Variants in ZNF41 observed in about 807,000 individuals in gnomAD.
ZNF41 encodes the protein zinc finger protein 41.
Under a neutral mutation model 9.3 loss-of-function variants are expected in ZNF41, and 6 were observed. The ratio of observed to expected loss-of-function variants is 0.65; its 90% CI spans 0.35 to 1.28. ZNF41 has a LOEUF of 1.28. ZNF41 is among the 50% of genes most tolerant of loss of function. The probability of loss-of-function intolerance (pLI) is 0.03; values close to 1 mark genes in which losing one functional copy is unlikely to be tolerated. For synonymous variants in ZNF41, 192 were observed against 207.1 expected (o/e 0.93, Z 0.63); for missense variants, 523 against 585.8 (o/e 0.89, Z 1.11).
At chrX:47,476,127 C>T (rs977588926) in intron 1 of ZNF41, among the ~76,000 whole-genome samples, 17 of 110,944 alleles carry the variant, frequency 1.5e-4, no homozygotes, top group Non-Finnish European at 2.8e-4. Context: ...TCGAGGCAGG[C>T]GGATCACTTG....
Position 47,467,522 on chromosome X carries a change from A to T in ZNF41, c.-41T>A. ...CAGCCCTCAGGCTCTCCTGCTGACAACCCCACTCTTCCCCAAGCTGGAAGC... is the reference window on the plus strand; with the variant it reads ...CAGCCCTCAGGCTCTCCTGCTGACATCCCCACTCTTCCCCAAGCTGGAAGC... On this transcript the variant is annotated 5_prime_UTR_variant, in exon 2 of 5. In the 5' UTR this introduces an upstream ATG that the reference lacks. Transcript: ENST00000684689. 1 of 1,165,971 alleles carries T rather than the reference A, an allele frequency of 8.6e-7. No individual in the cohort carries two copies. The highest frequency in any genetic ancestry group is 1.1e-6 in the Non-Finnish European group (1 of 870,881).
intron 1 of ZNF41, among the ~76,000 whole-genome samples, chrX:47,472,432 TC>T (rs2057217378): frequency 1.0e-5 from 1 of 95,424 alleles, no homozygotes; most frequent in African/African-American, 3.8e-5. Context: ...AAACATGGCT[TC>T]TTTTTTTTTT....
At chrX:47,469,297 C>A (rs1405737080) in intron 1 of ZNF41, among the ~76,000 whole-genome samples, 1 of 70,701 alleles carries the variant, frequency 1.4e-5, no homozygotes, top group African/African-American at 5.5e-5. Flanking sequence ...GGCGACAGAG[C>A]GAGACTCCGT....
intron 4 of ZNF41, 130 bp downstream of exon 4, chrX:47,455,791 T>G: frequency 1.7e-6 from 1 of 595,442 alleles, no homozygotes; most frequent in East Asian, 3.6e-5. Flanking sequence ...GTCAACTATC[T>G]CCAATTGACT....
intron 4 of ZNF41, among the ~76,000 whole-genome samples, chrX:47,453,099 AT>A (rs916708504): frequency 9.0e-6 from 1 of 111,485 alleles, no homozygotes; most frequent in Non-Finnish European, 1.9e-5. Context: ...TTCTTAAATT[AT>A]TTTTTTGAAA....
intron 1 of ZNF41, among the ~76,000 whole-genome samples, chrX:47,479,744 T>G (rs1402632253): frequency 9.1e-6 from 1 of 110,398 alleles, no homozygotes; most frequent in Non-Finnish European, 1.9e-5. Context: ...AAGAAAACTA[T>G]AAAAATTATA....
At chrX:47,458,310 C>T (rs1044706790) in intron 2 of ZNF41, among the ~76,000 whole-genome samples, 5 of 111,595 alleles carry the variant, frequency 4.5e-5, no homozygotes, top group Middle Eastern at 4.2e-3. Flanking sequence ...AATAACTGAT[C>T]GTCTAAGAAG....
rs2057107666 is a variant in ZNF41 at position 47,469,344 on chromosome X, AC to A, written c.-279-1585del. Among the ~76,000 whole-genome samples the A allele has an allele frequency of 3.1e-5, 3 of 95,326 alleles. No individual in the cohort carries two copies. The East Asian group carries it at 1.0e-3, about 33-fold the overall frequency. 82.8% of individuals were successfully genotyped at this position (95,326 alleles called of 115,157 possible). The stretch of plus-strand genomic sequence containing the variant: ...AAAAAAAAAAAAAAAAAAAAAAAAG[AC>A]AGACAATTTTAGATATAAAAGCATT... On this transcript the variant is annotated intron_variant, in intron 1 of 4. Transcript: ENST00000684689.
chrX:47,480,658 C>T (rs1359638213), intron 1 of ZNF41, among the ~76,000 whole-genome samples: 1 of 107,315 alleles, frequency 9.3e-6, no homozygotes, highest in Non-Finnish European at 1.9e-5. Context: ...TTAATATTCA[C>T]AAATTAGTAA....
At chrX:47,456,427 G>A (rs1211563141) in intron 2 of ZNF41, 29 bp from the exon 3 acceptor site, 2 of 1,209,009 alleles carry the variant, frequency 1.7e-6, no homozygotes, top group African/African-American at 1.7e-5. Flanking sequence ...GTTCAAGGCA[G>A]CATGGTCAGC....
chrX:47,478,083 G>C (rs1181155580), intron 1 of ZNF41, among the ~76,000 whole-genome samples: 2 of 112,230 alleles, frequency 1.8e-5, no homozygotes, highest in African/African-American at 6.5e-5. Context: ...GTTGCCAGGG[G>C]CTGAGAGGAG....
intron 1 of ZNF41, among the ~76,000 whole-genome samples, chrX:47,472,278 TTA>T (rs1173831629): frequency 9.0e-6 from 1 of 110,567 alleles, no homozygotes; most frequent in East Asian, 2.8e-4. Flanking sequence ...TGTGTTATAT[TTA>T]TACAAGGAAA....
intron 1 of ZNF41, among the ~76,000 whole-genome samples, chrX:47,475,111 A>G (rs1042140748): frequency 1.8e-5 from 2 of 108,142 alleles, no homozygotes; most frequent in East Asian, 5.7e-4. Context: ...AAAGAAGACA[A>G]CAAAATATTC....
At chrX:47,479,895 G>A (rs1008362446) in intron 1 of ZNF41, among the ~76,000 whole-genome samples, 2 of 111,545 alleles carry the variant, frequency 1.8e-5, no homozygotes, top group Non-Finnish European at 3.8e-5. Context: ...AGGAGTTTGA[G>A]ACCAGTCTGG....
chrX:47,458,674 G>A (rs1018182199), intron 2 of ZNF41, among the ~76,000 whole-genome samples: 1 of 111,322 alleles, frequency 9.0e-6, no homozygotes, highest in Admixed American at 9.5e-5. Context: ...TCAGAGACAT[G>A]GTCTCACTTT....
In ZNF41 at chrX:47,449,087, G is replaced by C; in HGVS notation, c.683C>G (p.Pro228Arg). 8.3e-7 allele frequency: 1 copy of C among 1,211,305 alleles called. No individual in the cohort carries two copies. Among genetic ancestry groups the C allele is most frequent in the South Asian group, 1.8e-5 (1 of 56,966 alleles). ...FGNGNNFPHSPSSTKNENAKT... is the reference protein window; with the variant it reads ...FGNGNNFPHSRSSTKNENAKT... ...AGCATTCTCATTCTTAGTAGAGGAA[G>C]GGCTATGGGGGAAATTGTTACCATT... The change falls in exon 5 of 5, where the codon CCT becomes CGT. Residue 228 changes from proline (P) to arginine (R), a missense_variant. Pro to Arg is a moderately radical substitution (Grantham distance 103, BLOSUM62 -2). Coordinates refer to ENST00000684689, the MANE Select transcript of ZNF41 (RefSeq NM_001324144.2).
intron 2 of ZNF41, among the ~76,000 whole-genome samples, chrX:47,457,217 C>T (rs774754225): frequency 9.0e-6 from 1 of 110,648 alleles, no homozygotes; most frequent in South Asian, 3.8e-4. Flanking sequence ...CGAGACCAGC[C>T]TGACCAATAT....
rs1187485086 is a variant in ZNF41 at position 47,446,747 on chromosome X, G to A, written c.*683C>T. 2.7e-5 allele frequency: 3 copies of A among 112,163 alleles called. No homozygotes were observed. The highest frequency in any genetic ancestry group is 9.8e-5 in the African/African-American group (3 of 30,761). The allele number at this position is 112,163 out of a possible 1,213,427, so 9.2% of individuals were successfully genotyped here. A position where few individuals can be genotyped will look rare whatever the true frequency, so the allele number is the denominator to read the frequency against. ...CTATATTTCTGTAACATAGCCTAGA[G>A]CTAGGCCTAATTTCTCAATTCATAA... On this transcript the variant is annotated 3_prime_UTR_variant, in exon 5 of 5. Transcript: ENST00000684689.
intron 1 of ZNF41, among the ~76,000 whole-genome samples, chrX:47,482,068 C>T (rs1019803475): frequency 1.8e-5 from 2 of 109,539 alleles, no homozygotes; most frequent in Admixed American, 9.8e-5. Context: ...CCTCACAGAC[C>T]TCCAGTAGTC....
Sources: gnomAD v4.1 joint callset for allele counts (sites outside exome capture counted in the v4.1 genomes callset) on GRCh38, gnomAD v4.1.1 for gene constraint, MANE v1.5 for transcripts, NCBI Gene and HGNC (gene_info 2026-07-23, HGNC 2026-07-21) for gene names.